The following HYAL4 variants were observed in gnomAD, a reference collection of about 807,000 sequenced individuals.
HYAL4 encodes the protein hyaluronidase-4.
A neutral mutation model predicts 35.2 loss-of-function variants in HYAL4; 37 were observed. The observed-to-expected ratio is 1.05, with a 90% CI of 0.81 to 1.38. The LOEUF is 1.38. HYAL4 is among the 40% of genes most tolerant of loss of function. HYAL4 has a pLI of 0.00. For synonymous variants in HYAL4, 198 were observed against 203.2 expected, an observed-to-expected ratio of 0.97 and a Z score of 0.22; for missense variants, 572 against 572.4, an observed-to-expected ratio of 1.00 and a Z score of 0.01.
Position 123,868,731 on chromosome 7 carries a change from G to A in HYAL4, c.458G>A (p.Trp153Ter). ...GATTGGGAATATTGGCGACCACAGTGGGCCCGGAACTGGAACTCAAAAGAT... is the reference window on the plus strand; with the variant it reads ...GATTGGGAATATTGGCGACCACAGTAGGCCCGGAACTGGAACTCAAAAGAT... ...VIDWEYWRPQ[W>*]ARNWNSKDVY... Residue 153 changes from tryptophan to a stop codon, truncating the protein, a stop_gained, in exon 3 of 5, where the codon TGG becomes TAG. Transcript: ENST00000223026. LOFTEE classifies it high-confidence loss of function. The A allele has an allele frequency of 1.2e-6, 2 of 1,613,932 alleles. No individual in the cohort carries two copies. Among genetic ancestry groups the A allele is most frequent in the Non-Finnish European group, 1.7e-6 (2 of 1,179,968 alleles).
At chr7:123,824,489 G>A (rs1441324928), upstream of HYAL4, among the ~76,000 whole-genome samples, 3 of 151,938 alleles carry the variant, frequency 2.0e-5, no homozygotes, top group Non-Finnish European at 2.9e-5. Context: ...CTTTTGATAC[G>A]GCTGCCATTT....
At position 123,875,058 on chromosome 7, in the gene HYAL4, C is replaced by T. The variant is rs567579529; in HGVS notation, c.1044+208C>T. On this transcript the variant is annotated intron_variant, in intron 4 of 4. Transcript: ENST00000223026. ...TGACATTTGATGAATATTTATGATGCGCTAAGGTTGTGCTAAGAGATTTTT... is the reference window on the plus strand; with the variant it reads ...TGACATTTGATGAATATTTATGATGTGCTAAGGTTGTGCTAAGAGATTTTT... Among the ~76,000 whole-genome samples, 8 of 152,162 alleles carry T rather than the reference C, an allele frequency of 5.3e-5. No individual in the cohort carries two copies. The South Asian group carries it at 6.2e-4, about 12-fold the overall frequency.
the HYAL4 span, among the ~76,000 whole-genome samples, chr7:123,818,187 A>G: frequency 6.6e-6 from 1 of 152,176 alleles, no homozygotes. Context: ...AGTTGTCTTA[A>G]CACTTTAAAA....
chr7:123,863,527 A>G (rs577880213), intron 2 of HYAL4, among the ~76,000 whole-genome samples: 2 of 152,298 alleles, frequency 1.3e-5, no homozygotes, highest in South Asian at 2.1e-4. Flanking sequence ...TGAAGAGTCT[A>G]AGAAGGCAGG....
the HYAL4 span, among the ~76,000 whole-genome samples, chr7:123,811,106 G>T: frequency 1.3e-5 from 2 of 152,118 alleles, no homozygotes; most frequent in East Asian, 3.8e-4. Context: ...GGACATTTTG[G>T]TTGCTTACAG....
chr7:123,836,482 G>T (rs1384552162), intron 1 of HYAL4, among the ~76,000 whole-genome samples: 1 of 152,054 alleles, frequency 6.6e-6, no homozygotes, highest in East Asian at 1.9e-4. Context: ...TTATGTGTTA[G>T]GTGAGTCCTG....
chr7:123,850,860 A>T (rs1342445023), intron 2 of HYAL4, among the ~76,000 whole-genome samples: 3 of 152,184 alleles, frequency 2.0e-5, no homozygotes, highest in African/African-American at 7.2e-5. Flanking sequence ...CCCAAAATCT[A>T]TGATTGGAAC....
In HYAL4 at chr7:123,877,160, A is replaced by ATT. The variant is rs1456460465; in HGVS notation, c.*6_*7dup. 26 of 1,609,290 alleles carry ATT rather than the reference A, an allele frequency of 1.6e-5. No individual in the cohort carries two copies. The highest frequency in any genetic ancestry group is 1.7e-5 in the Admixed American group (1 of 59,572). On this transcript the variant is annotated 3_prime_UTR_variant, in exon 5 of 5. Transcript: ENST00000223026. ...TATCGAAGCATTCAGTTGTGAGATAATTGAGTTTAAAGGGAATTGTGTGGC... is the reference window on the plus strand; with the variant it reads ...TATCGAAGCATTCAGTTGTGAGATAATTTTGAGTTTAAAGGGAATTGTGTGGC...
At chr7:123,840,909 A>C (rs1316096790), upstream of HYAL4, among the ~76,000 whole-genome samples, 3 of 151,896 alleles carry the variant, frequency 2.0e-5, no homozygotes, top group Non-Finnish European at 4.4e-5. Flanking sequence ...GGGTTTTCTA[A>C]ATATACAATC....
At chr7:123,835,278 G>A (rs187908059) in intron 1 of HYAL4, among the ~76,000 whole-genome samples, 28 of 151,878 alleles carry the variant, frequency 1.8e-4, no homozygotes, top group African/African-American at 6.0e-4. Flanking sequence ...GTCTGTTCAG[G>A]GTATCTAATT....
intron 2 of HYAL4, among the ~76,000 whole-genome samples, chr7:123,867,780 T>C (rs1400907024): frequency 6.6e-6 from 1 of 152,182 alleles, no homozygotes; most frequent in Non-Finnish European, 1.5e-5. Flanking sequence ...AGCCTTTTCA[T>C]CTCTCTAAGC....
chr7:123,764,358 C>T, the HYAL4 span, among the ~76,000 whole-genome samples: 1 of 152,160 alleles, frequency 6.6e-6, no homozygotes, highest in African/African-American at 2.4e-5. Context: ...TCCTCTGTGC[C>T]CACATTGCAA....
At chr7:123,781,880 T>C in the HYAL4 span, among the ~76,000 whole-genome samples, 1,228 of 152,242 alleles carry the variant, frequency 8.1e-3, 13 homozygotes, top group Non-Finnish European at 0.011. Flanking sequence ...GTCTAGAACC[T>C]GGGTTACTTC....
chr7:123,789,075 G>T, the HYAL4 span, among the ~76,000 whole-genome samples: 1 of 152,168 alleles, frequency 6.6e-6, no homozygotes, highest in Non-Finnish European at 1.5e-5. Context: ...GACCCATGAA[G>T]GTGTATTTAT....
chr7:123,831,270 A>G (rs961237266), intron 1 of HYAL4, among the ~76,000 whole-genome samples: 29 of 152,134 alleles, frequency 1.9e-4, no homozygotes, highest in African/African-American at 6.3e-4. Flanking sequence ...CTTCTCTGCC[A>G]TGCTGTGATG....
chr7:123,842,710 G>A (rs1488908751), upstream of HYAL4, among the ~76,000 whole-genome samples: 1 of 152,032 alleles, frequency 6.6e-6, no homozygotes, highest in Non-Finnish European at 1.5e-5. Flanking sequence ...ATTTAGGATA[G>A]TTAGCTCTTC....
At position 123,868,319 on chromosome 7, in the gene HYAL4, C is replaced by A. The variant is rs370808923; in HGVS notation, c.46C>A (p.Pro16Thr). The A allele has an allele frequency of 6.3e-7, 1 of 1,584,036 alleles. No homozygotes were observed. Among genetic ancestry groups the A allele is most frequent in the Non-Finnish European group, 8.5e-7 (1 of 1,171,492 alleles). Residue 16 changes from proline to threonine, a missense_variant, in exon 3 of 5, where the codon CCA (proline) becomes ACA (threonine). Transcript: ENST00000223026. ...ACAGTTAAAGCTTTGTGTTGTTCAA[C>A]CAGTACATCTCACTTCATGGCTCCT... The part of the protein sequence containing the change: ...EGQLKLCVVQ[P>T]VHLTSWLLIF...
the HYAL4 span, among the ~76,000 whole-genome samples, chr7:123,812,990 A>G: frequency 2.6e-5 from 4 of 152,116 alleles, no homozygotes; most frequent in South Asian, 8.3e-4. Flanking sequence ...TATCGTTCAC[A>G]TTTGTTAATT....
At position 123,868,554 on chromosome 7, in the gene HYAL4, G is replaced by T. The variant is rs1312952034; in HGVS notation, c.281G>T (p.Arg94Ile). ...AATGTCACTATATTTTATGTCAACA[G>T]ATTGGGATACTATCCGTGGTATACA... ...GQNVTIFYVN[R>I]LGYYPWYTSQ... Residue 94 changes from arginine (R) to isoleucine (I), a missense_variant, in exon 3 of 5, where the codon AGA becomes ATA. Arg to Ile is a moderately conservative substitution (Grantham distance 97). Coordinates refer to ENST00000223026, the MANE Select transcript of HYAL4 (RefSeq NM_012269.3). 6.2e-7 allele frequency: 1 copy of T among 1,613,580 alleles called. No homozygotes were observed. Among genetic ancestry groups the T allele is most frequent in the Non-Finnish European group, 8.5e-7 (1 of 1,179,878 alleles).
Sources: allele counts gnomAD v4.1 joint callset (sites outside exome capture counted in the v4.1 genomes callset), GRCh38; gene constraint gnomAD v4.1.1; transcripts MANE v1.5; gene names NCBI Gene and HGNC (gene_info 2026-07-23, HGNC 2026-07-21).